The following TMF1 variants were observed in gnomAD, a reference collection of about 807,000 sequenced individuals.
TMF1 encodes TATA element modulatory factor.
TMF1 carries 71 observed loss-of-function variants against 126.5 expected under a neutral mutation model. The observed-to-expected ratio is 0.56, with a 90% CI of 0.46 to 0.68. TMF1 has a LOEUF of 0.68. TMF1 is among the 30% of genes least tolerant of loss of function. The pLI, the probability that TMF1 is intolerant of heterozygous loss-of-function variation, is 0.00. For missense variants in TMF1, 1,259 were observed against 1,253.2 expected (o/e 1.00, Z -0.07); for synonymous variants, 461 against 430.5 (o/e 1.07, Z -0.88).
intron 8 of TMF1, among the ~76,000 whole-genome samples, chr3:69,036,479 T>C (rs927676881): frequency 6.6e-6 from 1 of 152,142 alleles, no homozygotes; most frequent in Non-Finnish European, 1.5e-5. Flanking sequence ...GAGACAGAAA[T>C]AGGTGTATAA....
At chr3:69,034,282 G>T (rs1240818431) in intron 9 of TMF1, among the ~76,000 whole-genome samples, 2 of 152,054 alleles carry the variant, frequency 1.3e-5, no homozygotes, top group Non-Finnish European at 2.9e-5. Flanking sequence ...AGACCAGCCT[G>T]GCCAACATGG....
Position 69,030,003 on chromosome 3 carries a change from T to C in TMF1, c.2406A>G (p.Glu802=), listed in dbSNP as rs1318757407. ...CTGCTGCTGCCAGCAAGGTCTGGGA[T>C]TCACCTGATTACAGGACAGAAAAAA... The part of the protein sequence containing the change: ...LEKNLSDRLG[E]SQTLLAAAVE... The change falls in exon 11 of 17, where the codon GAA becomes GAG. Residue 802 remains glutamate (E), a synonymous_variant. Coordinates refer to ENST00000398559, the MANE Select transcript of TMF1 (RefSeq NM_007114.3). The C allele has an allele frequency of 6.2e-7, 1 of 1,612,272 alleles. No individual in the cohort carries two copies. The highest frequency in any genetic ancestry group is 8.5e-7 in the Non-Finnish European group (1 of 1,179,274).
chr3:69,044,241 T>A lies in TMF1; in HGVS notation c.1451+251A>T, dbSNP rs574156933. On this transcript the variant is annotated intron_variant, in intron 3 of 16. Transcript: ENST00000398559. ...CAGTTTTCTTCAAATACGTTTTAAA[T>A]CTCTAATACTAAAAGACTAAAAACG... Among the ~76,000 whole-genome samples the A allele has an allele frequency of 3.3e-5, 5 of 152,268 alleles. No individual in the cohort carries two copies. In the South Asian group the frequency reaches 1.0e-3, roughly 32 times the overall value.
In TMF1 at chr3:69,033,933, C is replaced by T. The variant is rs903242803; in HGVS notation, c.2245-229G>A. 1.2e-5 allele frequency: 4 copies of T among 334,970 alleles called. No homozygotes were observed. In the Admixed American group the frequency reaches 1.4e-4, roughly 11 times the overall value. 20.7% of individuals were successfully genotyped at this position (334,970 alleles called of 1,614,324 possible). ...GTAGCCTCAACCTCCTAGGCTCAAG[C>T]GATCCTCCCAGCTGGGACTACAGGT... On this transcript the variant is annotated intron_variant, in intron 9 of 16. Transcript: ENST00000398559.
intron 1 of TMF1, among the ~76,000 whole-genome samples, chr3:69,049,318 G>T (rs1220594667): frequency 6.6e-6 from 1 of 152,210 alleles, no homozygotes; most frequent in African/African-American, 2.4e-5. Context: ...AAGCTGCAGT[G>T]AGCCATGATC....
chr3:69,035,914 G>T (rs937319111), intron 8 of TMF1, among the ~76,000 whole-genome samples: 6 of 151,936 alleles, frequency 3.9e-5, no homozygotes, highest in African/African-American at 1.4e-4. Flanking sequence ...TTTATGCATG[G>T]TAACTCATAT....
At chr3:69,028,425 G>A (rs879524914) in intron 11 of TMF1, 130 bp from the exon 12 acceptor site, 19 of 602,582 alleles carry the variant, frequency 3.2e-5, no homozygotes, top group Non-Finnish European at 5.3e-5. Context: ...CTTGACATCA[G>A]TGATTTTCCA....
At chr3:69,043,649 CCTTA>C (rs747525969) in intron 4 of TMF1, 97 bp downstream of exon 4, 101 of 1,155,530 alleles carry the variant, frequency 8.7e-5, no homozygotes, top group African/African-American at 7.9e-5. Context: ...ATCCTTTTCA[CCTTA>C]CTTCTCTTTT....
In TMF1 at chr3:69,048,091, G is replaced by C. The variant is rs761595179; in HGVS notation, c.614C>G (p.Thr205Arg). The C allele has an allele frequency of 1.2e-6, 2 of 1,614,140 alleles. No individual in the cohort carries two copies. The highest frequency in any genetic ancestry group is 1.7e-6 in the Non-Finnish European group (2 of 1,180,024). Residue 205 changes from threonine to arginine, a missense_variant, in exon 2 of 17, where the codon ACA (threonine) becomes AGA (arginine). By Grantham distance (71) the Thr-to-Arg change is moderately conservative. Coordinates refer to ENST00000398559, the MANE Select transcript of TMF1 (RefSeq NM_007114.3). ...KVSESVIDVK[T>R]TMESISNTST... ...CGTATTAGATATACTTTCCATAGTT[G>C]TTTTCACATCAATTACACTTTCAGA...
At chr3:69,039,397 C>T (rs773264428) in intron 6 of TMF1, among the ~76,000 whole-genome samples, 154 bp downstream of exon 6, 7 of 152,156 alleles carry the variant, frequency 4.6e-5, no homozygotes, top group African/African-American at 9.7e-5. Flanking sequence ...CCACCCCACT[C>T]GGCTAAAAAA....
At chr3:69,033,434 T>C (rs562664537) in intron 10 of TMF1, 114 bp downstream of exon 10, 1 of 1,190,838 alleles carries the variant, frequency 8.4e-7, no homozygotes, top group Admixed American at 3.0e-5. Context: ...ATCTACATAT[T>C]AGACACAAAA....
rs1054162028 is a variant in TMF1 at position 69,022,987 on chromosome 3, G to A, written c.*190C>T. The A allele has an allele frequency of 1.3e-5, 6 of 465,532 alleles. No homozygotes were observed. The highest frequency in any genetic ancestry group is 2.2e-5 in the Non-Finnish European group (6 of 270,912). The allele number at this position is 465,532 out of a possible 1,614,324, so 28.8% of individuals were successfully genotyped here. A position where few individuals can be genotyped will look rare whatever the true frequency, so the allele number is the denominator to read the frequency against. On this transcript the variant is annotated 3_prime_UTR_variant, in exon 17 of 17. Transcript: ENST00000398559. Reference sequence around the variant, plus strand: ...TTTAAAGAATAGTTTCAAAAATAAAGTTCAAATATTGCACAAAATAATTTA... The same window carrying A: ...TTTAAAGAATAGTTTCAAAAATAAAATTCAAATATTGCACAAAATAATTTA...
intron 8 of TMF1, 43 bp downstream of exon 8, chr3:69,038,521 C>G (rs948516441): frequency 1.3e-6 from 2 of 1,590,996 alleles, no homozygotes; most frequent in African/African-American, 2.7e-5. Context: ...GAAGCATAAA[C>G]AAATATTTTT....
Position 69,043,561 on chromosome 3 carries a change from C to A in TMF1, c.1578+189G>T, listed in dbSNP as rs150080864. Among the ~76,000 whole-genome samples, 90 of 152,304 alleles carry A rather than the reference C, an allele frequency of 5.9e-4. No homozygotes were observed. In the Middle Eastern group the frequency reaches 0.017, roughly 29 times the overall value. On this transcript the variant is annotated intron_variant, in intron 4 of 16. Coordinates refer to ENST00000398559, the MANE Select transcript of TMF1 (RefSeq NM_007114.3). ...GGCTCAAGTGATCCGCCCACTTCAG[C>A]CTCCCAGTGTGCTGGGATTATAGAC...
intron 15 of TMF1, chr3:69,024,507 AG>A (rs1176577073): frequency 1.2e-5 from 2 of 169,780 alleles, no homozygotes; most frequent in African/African-American, 4.8e-5. Flanking sequence ...ACAAGAACCC[AG>A]AGAAATAAAA....
chr3:69,048,999 A>T, intron 1 of TMF1: 1 of 156,470 alleles, frequency 6.4e-6, no homozygotes, highest in Middle Eastern at 7.5e-4. Flanking sequence ...GTGCAGTCAC[A>T]GAAAAATGAC....
In TMF1 at chr3:69,047,462, T is replaced by C. The variant is rs754351822; in HGVS notation, c.1243A>G (p.Thr415Ala). The change falls in exon 2 of 17, where the codon ACA (threonine) becomes GCA (alanine). Residue 415 changes from threonine (T) to alanine (A), a missense_variant. By Grantham distance (58) the Thr-to-Ala change is moderately conservative. Coordinates refer to ENST00000398559, the MANE Select transcript of TMF1 (RefSeq NM_007114.3). ...ACAGTCTGTCCTTCATTTATTGGTG[T>C]GGAAGAAACCAAGATATCAGGCTGT... ...CEQPDILVSS[T>A]PINEGQTVLD... 1.2e-6 allele frequency: 2 copies of C among 1,614,208 alleles called. No homozygotes were observed. The highest frequency in any genetic ancestry group is 1.7e-6 in the Non-Finnish European group (2 of 1,180,028).
Position 69,030,007 on chromosome 3 carries a change from C to G in TMF1, c.2402G>C (p.Gly801Ala), listed in dbSNP as rs752077971. Reference protein sequence around the residue: ...KLEKNLSDRLGESQTLLAAAV... With the variant: ...KLEKNLSDRLAESQTLLAAAV... ...TGCTGCCAGCAAGGTCTGGGATTCA[C>G]CTGATTACAGGACAGAAAAAAAAAT... Residue 801 changes from glycine to alanine, a missense_variant and splice_region_variant, in exon 11 of 17, where the codon GGT becomes GCT. By Grantham distance (60) the Gly-to-Ala change is moderately conservative. Coordinates refer to ENST00000398559, the MANE Select transcript of TMF1 (RefSeq NM_007114.3). The G allele has an allele frequency of 6.2e-7, 1 of 1,610,694 alleles. No individual in the cohort carries two copies.
In TMF1 at chr3:69,052,284, C is replaced by G; in HGVS notation, c.-198G>C. Reference sequence around the variant, plus strand: ...CCCGCACAGCTGAGACGAAGGGGGCCCATGTGCGCATGCGCTTGCTTCTTC... The same window carrying G: ...CCCGCACAGCTGAGACGAAGGGGGCGCATGTGCGCATGCGCTTGCTTCTTC... On this transcript the variant is annotated 5_prime_UTR_variant, in exon 1 of 17. Transcript: ENST00000398559. 1 of 491,192 alleles carries G rather than the reference C, an allele frequency of 2.0e-6. No individual in the cohort carries two copies. 30.4% of individuals were successfully genotyped at this position (491,192 alleles called of 1,614,324 possible).
Sources: gnomAD v4.1 joint callset for allele counts (sites outside exome capture counted in the v4.1 genomes callset) on GRCh38, gnomAD v4.1.1 for gene constraint, MANE v1.5 for transcripts, NCBI Gene and HGNC (gene_info 2026-07-23, HGNC 2026-07-21) for gene names.